Variants in OGDH observed in about 807,000 individuals in gnomAD.
OGDH encodes the protein oxoglutarate dehydrogenase, also known as 2-oxoglutarate dehydrogenase complex component E1.
Under a neutral mutation model 116.6 loss-of-function variants are expected in OGDH, and 38 were observed. That is an observed-to-expected ratio of 0.33 (90% CI 0.25 to 0.43). The LOEUF (loss-of-function observed/expected upper bound fraction) is 0.43. Among genes scored for constraint, OGDH ranks in the 20% least tolerant of loss-of-function variants. The pLI is 1.00. For synonymous variants in OGDH, 488 were observed against 533.3 expected, an observed-to-expected ratio of 0.92 and a Z score of 1.17; for missense variants, 825 against 1,357.2, an observed-to-expected ratio of 0.61 and a Z score of 6.16.
chr7:44,675,374 C>A, intron 8 of OGDH, 106 bp downstream of exon 8: 2 of 930,450 alleles, frequency 2.1e-6, no homozygotes, highest in Non-Finnish European at 3.4e-6. Context: ...TTCTTCTGTA[C>A]CATTTGTGAT....
At chr7:44,669,160 T>TTTTTTTTTTTTTTTTTTTTTTTTG (rs1787318889) in intron 5 of OGDH, among the ~76,000 whole-genome samples, 1 of 142,926 alleles carries the variant, frequency 7.0e-6, no homozygotes, top group African/African-American at 2.7e-5. Context: ...TTTTTTTTTT[T>TTTTTTTTTTTTTTTTTTTTTTTTG]TTTTTTTTTT....
intron 9 of OGDH, among the ~76,000 whole-genome samples, chr7:44,677,503 A>G (rs924661749): frequency 6.6e-5 from 10 of 152,120 alleles, no homozygotes; most frequent in African/African-American, 2.2e-4. Context: ...TGTAGGGGGA[A>G]TTGGGGACAC....
chr7:44,696,151 A>C, intron 13 of OGDH, 24 bp downstream of exon 13: 3 of 1,472,998 alleles, frequency 2.0e-6, no homozygotes, highest in Non-Finnish European at 2.9e-6. Context: ...CAGTGCCACA[A>C]ATAAGCTCCT....
In OGDH at chr7:44,695,431, G is replaced by A. The variant is rs555916477; in HGVS notation, c.1669-594G>A. Among the ~76,000 whole-genome samples, 4 of 152,182 alleles carry A rather than the reference G, an allele frequency of 2.6e-5. No individual in the cohort carries two copies. The South Asian group carries it at 8.3e-4, about 31-fold the overall frequency. ...CTTAAGAAAAAATGTGGTGGGCTGG[G>A]CGTGGTGGCTCATGCCTGTAATTGC... On this transcript the variant is annotated intron_variant, in intron 12 of 22. Coordinates refer to ENST00000222673, the MANE Select transcript of OGDH (RefSeq NM_002541.4).
In OGDH at chr7:44,697,182, C is replaced by T. The variant is rs1261343991; in HGVS notation, c.2051+118C>T. 6.8e-7 allele frequency: 1 copy of T among 1,474,668 alleles called. No homozygotes were observed. Among genetic ancestry groups the T allele is most frequent in the Non-Finnish European group, 9.2e-7 (1 of 1,084,662 alleles). 91.3% of individuals were successfully genotyped at this position (1,474,668 alleles called of 1,614,324 possible). On this transcript the variant is annotated intron_variant, in intron 15 of 22. Coordinates refer to ENST00000222673, the MANE Select transcript of OGDH (RefSeq NM_002541.4). This position sits in a 1 kb window ranked among gnomAD's most constrained non-coding sequence, Gnocchi z 6.0. ...CCGGAAGAGTCACATTGCTCTCAGGCTGAAAACCTCTGTCCCTCATTTGCT... is the reference window on the plus strand; with the variant it reads ...CCGGAAGAGTCACATTGCTCTCAGGTTGAAAACCTCTGTCCCTCATTTGCT...
chr7:44,663,939 CAAA>C (rs753085347), intron 4 of OGDH, among the ~76,000 whole-genome samples: 1 of 117,702 alleles, frequency 8.5e-6, no homozygotes. Context: ...GACCCTGTCT[CAAA>C]AAAAAAAAAA....
intron 7 of OGDH, chr7:44,674,847 C>A: frequency 1.9e-6 from 1 of 535,424 alleles, no homozygotes; most frequent in Non-Finnish European, 3.4e-6. Context: ...TTGTTGGGGT[C>A]TAACCTGGAG....
chr7:44,643,282 G>A (rs1244115158), intron 2 of OGDH, among the ~76,000 whole-genome samples: 3 of 152,090 alleles, frequency 2.0e-5, no homozygotes, highest in African/African-American at 4.8e-5. Context: ...AGCTACAGTG[G>A]TTTTTAGTAT....
At chr7:44,657,553 A>T (rs1786745565) in intron 4 of OGDH, among the ~76,000 whole-genome samples, 1 of 152,206 alleles carries the variant, frequency 6.6e-6, no homozygotes, top group Non-Finnish European at 1.5e-5. Flanking sequence ...GGCTAATAGG[A>T]TCTTTTGCAG....
chr7:44,665,071 G>C (rs1211625267), intron 4 of OGDH, among the ~76,000 whole-genome samples: 1 of 152,168 alleles, frequency 6.6e-6, no homozygotes, highest in East Asian at 1.9e-4. Flanking sequence ...CCTGGCCTGA[G>C]TTTTTTAGTC....
chr7:44,662,609 C>T (rs527486169), intron 4 of OGDH, among the ~76,000 whole-genome samples: 13 of 151,930 alleles, frequency 8.6e-5, no homozygotes, highest in Admixed American at 5.2e-4. Flanking sequence ...ATTACAGGCA[C>T]GCACCACCAC....
At position 44,696,825 on chromosome 7, in the gene OGDH, G is replaced by A; in HGVS notation, c.1901-89G>A. The A allele has an allele frequency of 2.1e-6, 3 of 1,447,520 alleles. No homozygotes were observed. The African/African-American group carries it at 4.3e-5, about 21-fold the overall frequency. 89.7% of individuals were successfully genotyped at this position (1,447,520 alleles called of 1,614,324 possible). A position where few individuals can be genotyped will look rare whatever the true frequency, so the allele number is the denominator to read the frequency against. On this transcript the variant is annotated intron_variant, in intron 14 of 22. Transcript: ENST00000222673. ...AACCCAGAAACTACGAGTAAAGAAG[G>A]CTCCGCTCTTGCCATGGGCACGCTG...
chr7:44,613,802 C>CT (rs11397029), intron 1 of OGDH, among the ~76,000 whole-genome samples: 11,988 of 106,324 alleles, frequency 0.11, 1,711 homozygotes, highest in East Asian at 0.4. Flanking sequence ...AGCCACCTGG[C>CT]TTTTTTTTTT....
intron 4 of OGDH, among the ~76,000 whole-genome samples, chr7:44,648,774 G>GT (rs1786305400): frequency 6.6e-6 from 1 of 152,126 alleles, no homozygotes; most frequent in Admixed American, 6.5e-5. Flanking sequence ...GTTTGTAATT[G>GT]TTTTTTTAAT....
intron 1 of OGDH, among the ~76,000 whole-genome samples, chr7:44,612,779 C>CTCTA (rs1585210553): frequency 1.3e-5 from 2 of 152,268 alleles, no homozygotes; most frequent in African/African-American, 4.8e-5. Flanking sequence ...TCACTGCAGC[C>CTCTA]TCTACTTCCA....
intron 10 of OGDH, among the ~76,000 whole-genome samples, chr7:44,682,638 G>A (rs901212197): frequency 3.3e-5 from 5 of 151,890 alleles, no homozygotes; most frequent in Admixed American, 2.0e-4. Context: ...GGAGGTTACC[G>A]TGAGCCAAGA....
At chr7:44,675,114 C>T (rs1446718520) in intron 7 of OGDH, 64 bp from the exon 8 acceptor site, 8 of 1,315,024 alleles carry the variant, frequency 6.1e-6, no homozygotes, top group Non-Finnish European at 8.8e-6. Flanking sequence ...TTGTAACACC[C>T]TCATCTGCCA....
chr7:44,638,874 C>T (rs575064189), intron 2 of OGDH, among the ~76,000 whole-genome samples: 145 of 152,282 alleles, frequency 9.5e-4, no homozygotes, highest in African/African-American at 3.3e-3. Flanking sequence ...CTTCTGTTTG[C>T]GCTGGGTGGT....
At chr7:44,677,523 A>G (rs1209549319) in intron 9 of OGDH, among the ~76,000 whole-genome samples, 2 of 152,132 alleles carry the variant, frequency 1.3e-5, no homozygotes, top group Non-Finnish European at 2.9e-5. Context: ...CAGAGCAGGG[A>G]GGGGCCGGCC....
Sources: allele counts gnomAD v4.1 joint callset (sites outside exome capture counted in the v4.1 genomes callset), GRCh38; gene constraint gnomAD v4.1.1; non-coding constraint Gnocchi (gnomAD v3.1); transcripts MANE v1.5; gene names NCBI Gene and HGNC (gene_info 2026-07-23, HGNC 2026-07-21).